PEAK1: variants seen among roughly 807,000 people sequenced by gnomAD.
PEAK1 encodes the protein inactive tyrosine-protein kinase PEAK1.
A neutral mutation model predicts 124.7 loss-of-function variants in PEAK1; 54 were observed. The ratio of observed to expected loss-of-function variants is 0.43; its 90% CI spans 0.35 to 0.54. PEAK1 has a LOEUF of 0.54. Among genes scored for constraint, PEAK1 ranks in the 20% least tolerant of loss-of-function variants. The pLI is 0.01. For missense variants in PEAK1, 2,046 were observed against 2,134.5 expected (o/e 0.96, Z 0.82); for synonymous variants, 719 against 760.0 (o/e 0.95, Z 0.89).
At chr15:77,206,877 A>G (rs2058684946) in intron 6 of PEAK1, among the ~76,000 whole-genome samples, 1 of 152,170 alleles carries the variant, frequency 6.6e-6, no homozygotes, top group Non-Finnish European at 1.5e-5. Flanking sequence ...CTACAAGGCT[A>G]CAGTAACCAA....
intron 5 of PEAK1, among the ~76,000 whole-genome samples, chr15:77,266,144 C>G (rs1167193508): frequency 6.6e-6 from 1 of 152,132 alleles, no homozygotes; most frequent in East Asian, 1.9e-4. Context: ...GGAGATATAC[C>G]TAACGCTAGA....
intron 1 of PEAK1, among the ~76,000 whole-genome samples, chr15:77,372,317 A>G (rs1394927112): frequency 6.6e-6 from 1 of 152,248 alleles, no homozygotes; most frequent in Non-Finnish European, 1.5e-5. Flanking sequence ...ATAAAAGATG[A>G]CAGGCAACAA....
intron 6 of PEAK1, among the ~76,000 whole-genome samples, chr15:77,210,850 G>A (rs1186266709): frequency 1.3e-5 from 2 of 152,120 alleles, no homozygotes; most frequent in Non-Finnish European, 2.9e-5. Flanking sequence ...AATGCATTCT[G>A]GCCTTGTGTG....
At chr15:77,258,253 A>G (rs905866121) in intron 5 of PEAK1, among the ~76,000 whole-genome samples, 1 of 152,138 alleles carries the variant, frequency 6.6e-6, no homozygotes, top group Non-Finnish European at 1.5e-5. Flanking sequence ...GTTTTTTCCA[A>G]TTCTGTGAAG....
intron 5 of PEAK1, among the ~76,000 whole-genome samples, chr15:77,258,646 A>G (rs1470082437): frequency 1.3e-5 from 2 of 152,170 alleles, no homozygotes; most frequent in African/African-American, 4.8e-5. Context: ...TGGGGTTTCT[A>G]GATATACAAT....
intron 1 of PEAK1, among the ~76,000 whole-genome samples, chr15:77,378,204 A>G (rs986155182): frequency 6.1e-5 from 8 of 130,222 alleles, no homozygotes; most frequent in Non-Finnish European, 1.4e-4. Context: ...ATATATATAT[A>G]TATACATAAT....
intron 2 of PEAK1, among the ~76,000 whole-genome samples, chr15:77,317,547 G>A (rs1254675916): frequency 6.6e-6 from 1 of 151,956 alleles, no homozygotes; most frequent in Non-Finnish European, 1.5e-5. Context: ...ACAACCTTTG[G>A]CCACATCAGC....
chr15:77,179,682 G>C lies in PEAK1; in HGVS notation c.2245C>G (p.Gln749Glu), dbSNP rs762737330. 9.9e-6 allele frequency: 16 copies of C among 1,613,964 alleles called. No individual in the cohort carries two copies. The Admixed American group carries it at 2.5e-4, about 25-fold the overall frequency. ...QEPVAKIEGT[Q>E]ESQMVGSSST... Reference sequence around the variant, plus strand: ...CTGCTGCCCACCATCTGAGACTCCTGAGTGCCTTCTATTTTGGCCACAGGC... The same window carrying C: ...CTGCTGCCCACCATCTGAGACTCCTCAGTGCCTTCTATTTTGGCCACAGGC... Residue 749 changes from glutamine (Q) to glutamate (E), a missense_variant, in exon 7 of 10, where the codon CAG becomes GAG. By Grantham distance (29) the Gln-to-Glu change is conservative (BLOSUM62 2). Transcript: ENST00000682557.
chr15:77,406,359 A>G (rs1056330831), intron 1 of PEAK1, among the ~76,000 whole-genome samples: 1 of 152,224 alleles, frequency 6.6e-6, no homozygotes, highest in African/African-American at 2.4e-5. Context: ...CACTGATGAT[A>G]TAATCATATA....
intron 2 of PEAK1, among the ~76,000 whole-genome samples, chr15:77,303,320 A>G (rs2063889915): frequency 6.6e-6 from 1 of 152,196 alleles, no homozygotes; most frequent in South Asian, 2.1e-4. Context: ...GTTTAGTTTT[A>G]TAAGAAACTG....
At chr15:77,404,457 T>A (rs1003864660) in intron 1 of PEAK1, 1 of 553,038 alleles carries the variant, frequency 1.8e-6, no homozygotes, top group Non-Finnish European at 2.3e-6. Context: ...GTAAAATATC[T>A]CAATAATTGA....
At chr15:77,205,339 A>T (rs1397488104) in intron 6 of PEAK1, among the ~76,000 whole-genome samples, 2 of 151,442 alleles carry the variant, frequency 1.3e-5, no homozygotes, top group South Asian at 2.1e-4. Context: ...ATGGTGTAGG[A>T]TATTGAGTTA....
At chr15:77,300,842 AT>A (rs1200284617) in intron 2 of PEAK1, among the ~76,000 whole-genome samples, 2 of 151,662 alleles carry the variant, frequency 1.3e-5, no homozygotes, top group African/African-American at 2.4e-5. Context: ...AAAACCAGTA[AT>A]TATTTATTTA....
At chr15:77,289,977 T>C (rs2063130611) in intron 2 of PEAK1, among the ~76,000 whole-genome samples, 1 of 149,426 alleles carries the variant, frequency 6.7e-6, no homozygotes. Flanking sequence ...ATAATTACTC[T>C]TTTTTTTTTG....
intron 2 of PEAK1, chr15:77,346,839 G>T: frequency 1.5e-6 from 1 of 687,752 alleles, no homozygotes; most frequent in Non-Finnish European, 1.8e-6. Context: ...AGATACAGCA[G>T]TAAACTAGAC....
chr15:77,289,992 G>A (rs974403477), intron 2 of PEAK1, among the ~76,000 whole-genome samples: 14 of 151,288 alleles, frequency 9.3e-5, no homozygotes, highest in South Asian at 2.1e-4. Context: ...TTTTTGAGAC[G>A]GAGTCTCATT....
chr15:77,240,563 G>A (rs895962752), intron 6 of PEAK1, among the ~76,000 whole-genome samples: 23 of 151,726 alleles, frequency 1.5e-4, no homozygotes, highest in African/African-American at 5.3e-4. Context: ...TGAGGGTGCC[G>A]TGAGCCTGGG....
intron 7 of PEAK1, among the ~76,000 whole-genome samples, chr15:77,170,628 A>T (rs2056441218): frequency 6.6e-6 from 1 of 152,174 alleles, no homozygotes; most frequent in Non-Finnish European, 1.5e-5. Context: ...TTCCTTAGGC[A>T]TAGTTTTGTA....
At chr15:77,239,941 A>G (rs890693591) in intron 6 of PEAK1, 1 of 642,754 alleles carries the variant, frequency 1.6e-6, no homozygotes, top group Non-Finnish European at 1.9e-6. Context: ...TATTTTTTAA[A>G]ATACTATGAC....
Sources: gnomAD v4.1 joint callset for allele counts (sites outside exome capture counted in the v4.1 genomes callset) on GRCh38, gnomAD v4.1.1 for gene constraint, MANE v1.5 for transcripts, NCBI Gene and HGNC (gene_info 2026-07-23, HGNC 2026-07-21) for gene names.